The following TACR3 variants were observed in gnomAD, a reference collection of about 807,000 sequenced individuals.
TACR3 encodes the protein tachykinin receptor 3.
In TACR3, 34 loss-of-function variants were observed where a neutral mutation model predicts 35.0. That is an observed-to-expected ratio of 0.97 (90% confidence interval 0.74 to 1.30). The LOEUF (loss-of-function observed/expected upper bound fraction) is 1.30, where lower values mean the gene tolerates loss of function less well. Ranked by LOEUF, TACR3 falls within the 50% of genes most tolerant of loss-of-function variation. The pLI is 0.00. For missense variants in TACR3, 558 were observed against 591.7 expected (o/e 0.94, Z 0.59); for synonymous variants, 233 against 221.1 (o/e 1.05, Z -0.48).
At chr4:103,632,007 A>G (rs1346379856) in intron 3 of TACR3, among the ~76,000 whole-genome samples, 1 of 152,178 alleles carries the variant, frequency 6.6e-6, no homozygotes, top group Non-Finnish European at 1.5e-5. Context: ...TCTAATTGTA[A>G]ACTAAAGAAT....
chr4:103,608,974 T>A (rs1293776696), intron 3 of TACR3, among the ~76,000 whole-genome samples: 1 of 152,096 alleles, frequency 6.6e-6, no homozygotes, highest in African/African-American at 2.4e-5. Flanking sequence ...CCTGAGGCAA[T>A]GTCATTAGCT....
chr4:103,639,550 C>A (rs1725297868), intron 3 of TACR3, among the ~76,000 whole-genome samples: 1 of 151,846 alleles, frequency 6.6e-6, no homozygotes, highest in Non-Finnish European at 1.5e-5. Flanking sequence ...ATGTAACAAA[C>A]CTGCACGTTG....
At chr4:103,629,850 C>CAAAAAAAAA (rs1170682602) in intron 3 of TACR3, among the ~76,000 whole-genome samples, 1 of 90,082 alleles carries the variant, frequency 1.1e-5, no homozygotes, top group Non-Finnish European at 2.2e-5. Flanking sequence ...CTAAGCAAAA[C>CAAAAAAAAA]AAAAAAAAAA....
At chr4:103,594,894 T>A (rs1480149863) in intron 3 of TACR3, among the ~76,000 whole-genome samples, 1 of 139,764 alleles carries the variant, frequency 7.2e-6, no homozygotes, top group Non-Finnish European at 1.6e-5. Flanking sequence ...TATAATATAT[T>A]TTCTGTACTT....
chr4:103,683,514 A>C (rs1363009026), intron 1 of TACR3, among the ~76,000 whole-genome samples: 12 of 150,490 alleles, frequency 8.0e-5, no homozygotes, highest in Non-Finnish European at 1.8e-4. Flanking sequence ...GAAGACAAAA[A>C]TAAGCAAAAT....
At chr4:103,636,558 G>C (rs909717018) in intron 3 of TACR3, among the ~76,000 whole-genome samples, 1 of 150,262 alleles carries the variant, frequency 6.7e-6, no homozygotes, top group Non-Finnish European at 1.5e-5. Context: ...ACATTCAAAA[G>C]CTAGCAGAAG....
chr4:103,641,857 G>A (rs1431315835), intron 3 of TACR3, among the ~76,000 whole-genome samples: 1 of 151,880 alleles, frequency 6.6e-6, no homozygotes, highest in Non-Finnish European at 1.5e-5. Context: ...ATTATGCTAA[G>A]TTATATAAGC....
rs2110281286 is a variant in TACR3 at position 103,588,475 on chromosome 4, T to C, written c.*1207A>G. On this transcript the variant is annotated 3_prime_UTR_variant, in exon 5 of 5. Transcript: ENST00000304883. ...CTAGTATATATCTTCTTGTAGTAAA[T>C]GTGATGCTTTCTTAGGACTATTATC... The C allele has an allele frequency of 6.6e-6, 1 of 152,236 alleles. No homozygotes were observed. The highest frequency in any genetic ancestry group is 2.4e-5 in the African/African-American group (1 of 41,584). 9.4% of individuals were successfully genotyped at this position (152,236 alleles called of 1,614,324 possible).
At chr4:103,662,471 C>T (rs1006005710) in intron 1 of TACR3, among the ~76,000 whole-genome samples, 4 of 152,154 alleles carry the variant, frequency 2.6e-5, no homozygotes, top group Non-Finnish European at 5.9e-5. Context: ...CTGCCTGCCT[C>T]AGCCTCCCAA....
intron 1 of TACR3, among the ~76,000 whole-genome samples, chr4:103,707,115 C>A (rs775227107): frequency 9.9e-5 from 15 of 152,200 alleles, no homozygotes; most frequent in Non-Finnish European, 2.1e-4. Context: ...AGGAAACCTG[C>A]TTTTGCATTT....
intron 3 of TACR3, among the ~76,000 whole-genome samples, chr4:103,601,108 C>T (rs190311172): frequency 1.3e-4 from 20 of 152,110 alleles, no homozygotes; most frequent in Admixed American, 5.9e-4. Context: ...CTTTGTTGGT[C>T]GCTAAGGACT....
chr4:103,620,901 T>TA (rs60906380), intron 3 of TACR3, among the ~76,000 whole-genome samples: 8 of 151,532 alleles, frequency 5.3e-5, no homozygotes, highest in African/African-American at 9.7e-5. Flanking sequence ...TTTTAAAAAA[T>TA]AAAGATTCCA....
chr4:103,682,608 T>A (rs1722124686), intron 1 of TACR3, among the ~76,000 whole-genome samples: 1 of 152,054 alleles, frequency 6.6e-6, no homozygotes, highest in Admixed American at 6.6e-5. Context: ...GAGGTGAGAT[T>A]TGGGTGGGGA....
chr4:103,664,010 T>C (rs1332086667), intron 1 of TACR3, among the ~76,000 whole-genome samples: 1 of 152,220 alleles, frequency 6.6e-6, no homozygotes, highest in African/African-American at 2.4e-5. Flanking sequence ...CTTAAAGACA[T>C]TAGAATCTCC....
At chr4:103,674,918 T>A (rs1206469043) in intron 1 of TACR3, among the ~76,000 whole-genome samples, 1 of 152,186 alleles carries the variant, frequency 6.6e-6, no homozygotes, top group African/African-American at 2.4e-5. Context: ...ATTATGGACA[T>A]TAAAATTCTG....
At chr4:103,632,386 GA>G (rs1725086793) in intron 3 of TACR3, among the ~76,000 whole-genome samples, 1 of 152,088 alleles carries the variant, frequency 6.6e-6, no homozygotes, top group African/African-American at 2.4e-5. Flanking sequence ...CCTTTGCAGG[GA>G]CATGGTTGAA....
chr4:103,587,330 G>GAGT lies in TACR3; in HGVS notation c.*2349_*2351dup, dbSNP rs1723787874. On this transcript the variant is annotated 3_prime_UTR_variant, in exon 5 of 5. Transcript: ENST00000304883. ...CTATAGGTCTCAGTTTAAGGGCCAT[G>GAGT]AGTAGTGAGTGAATGATGCCAGTTT... is the stretch of plus-strand genomic sequence containing the variant. 1 of 152,090 alleles carries GAGT rather than the reference G, an allele frequency of 6.6e-6. No individual in the cohort carries two copies. Among genetic ancestry groups the GAGT allele is most frequent in the Admixed American group, 6.6e-5 (1 of 15,240 alleles). The allele number at this position is 152,090 out of a possible 1,614,324, so 9.4% of individuals were successfully genotyped here. A position where few individuals can be genotyped will look rare whatever the true frequency, so the allele number is the denominator to read the frequency against.
chr4:103,598,767 T>C (rs1724108472), intron 3 of TACR3, among the ~76,000 whole-genome samples: 1 of 152,200 alleles, frequency 6.6e-6, no homozygotes, highest in Non-Finnish European at 1.5e-5. Context: ...TATTTGTAGA[T>C]ATGCGGCATT....
chr4:103,607,952 C>T (rs956395144), intron 3 of TACR3, among the ~76,000 whole-genome samples: 11 of 152,176 alleles, frequency 7.2e-5, no homozygotes, highest in African/African-American at 2.6e-4. Context: ...AAGAAATGAT[C>T]GTTTCCATGG....
Sources: gnomAD v4.1 joint callset for allele counts (sites outside exome capture counted in the v4.1 genomes callset) on GRCh38, gnomAD v4.1.1 for gene constraint, MANE v1.5 for transcripts, NCBI Gene and HGNC (gene_info 2026-07-23, HGNC 2026-07-21) for gene names.